GRAMD2B: variants seen among roughly 807,000 people sequenced by gnomAD.
The protein encoded by GRAMD2B is GRAM domain containing 2B, also known as GRAM domain-containing protein 2B.
In GRAMD2B, 41 loss-of-function variants were observed where a neutral mutation model predicts 59.2. The ratio of observed to expected loss-of-function variants is 0.69; its 90% CI spans 0.54 to 0.90. The LOEUF is 0.90. Ranked by LOEUF, GRAMD2B falls within the 40% of genes least tolerant of loss-of-function variation. GRAMD2B has a pLI of 0.00. For synonymous variants in GRAMD2B, 161 were observed against 182.7 expected (o/e 0.88, Z 0.96); for missense variants, 424 against 500.5 (o/e 0.85, Z 1.46).
At chr5:126,419,170 A>C (rs1418457581), upstream of GRAMD2B, among the ~76,000 whole-genome samples, 1 of 152,176 alleles carries the variant, frequency 6.6e-6, no homozygotes, top group African/African-American at 2.4e-5. Flanking sequence ...GAGATTGGGT[A>C]ATTTATAAAG....
rs1228784101 is a variant in GRAMD2B, at chr5:126,482,430, G to A, written c.736-1033G>A. Among the ~76,000 whole-genome samples, 3 of 152,186 alleles carry A rather than the reference G, an allele frequency of 2.0e-5. No individual in the cohort carries two copies. In the East Asian group the frequency reaches 5.8e-4, roughly 29 times the overall value. ...ACTTGATTTGGAATCCAAGAAACCT[G>A]GTTTTAAATCTGGGCTCCACCCAGC... is the stretch of plus-strand genomic sequence containing the variant. On this transcript the variant is annotated intron_variant, in intron 8 of 13. Coordinates refer to ENST00000285689, the MANE Select transcript of GRAMD2B (RefSeq NM_023927.4).
At position 126,472,284 on chromosome 5, in the gene GRAMD2B, C is replaced by A. The variant is rs202196656; in HGVS notation, c.362C>A (p.Thr121Lys). The change falls in exon 4 of 14, where the codon ACG becomes AAG. Residue 121 changes from threonine to lysine, a missense_variant. Physicochemically the swap from Thr to Lys is moderately conservative, Grantham distance 78. Transcript: ENST00000285689. ...HFHKLFLSVPTEEPLKQSFTC... is the reference protein window; with the variant it reads ...HFHKLFLSVPKEEPLKQSFTC... ...CACAAGTTGTTTCTTAGTGTCCCAA[C>A]GGAGGAACCACTGAAGCAAAGTAAG... is the stretch of plus-strand genomic sequence containing the variant. 6.2e-7 allele frequency: 1 copy of A among 1,613,690 alleles called. No individual in the cohort carries two copies. Among genetic ancestry groups the A allele is most frequent in the African/African-American group, 1.3e-5 (1 of 74,916 alleles).
At chr5:126,408,065 T>C (rs1319938259) in intron 1 of GRAMD2B, among the ~76,000 whole-genome samples, 1 of 151,970 alleles carries the variant, frequency 6.6e-6, no homozygotes, top group Non-Finnish European at 1.5e-5. Flanking sequence ...GTCCTGAGCA[T>C]AGTCCCCAGA....
intron 1 of GRAMD2B, among the ~76,000 whole-genome samples, chr5:126,394,980 G>T (rs1452356619): frequency 6.6e-6 from 1 of 151,830 alleles, no homozygotes; most frequent in Non-Finnish European, 1.5e-5. Flanking sequence ...TATAACTGTG[G>T]GTCTCCAAAG....
chr5:126,396,300 T>C (rs1019488125), intron 1 of GRAMD2B, among the ~76,000 whole-genome samples: 1 of 152,308 alleles, frequency 6.6e-6, no homozygotes, highest in Middle Eastern at 3.4e-3. Flanking sequence ...TACTCATTAG[T>C]TATTTTTCCT....
intron 1 of GRAMD2B, among the ~76,000 whole-genome samples, chr5:126,452,717 T>A (rs1001599146): frequency 2.0e-5 from 3 of 152,182 alleles, no homozygotes; most frequent in African/African-American, 4.8e-5. Context: ...CTCCTTTGTA[T>A]ACTAGTAGTA....
chr5:126,452,015 G>A (rs935925285), intron 1 of GRAMD2B, among the ~76,000 whole-genome samples: 3 of 152,002 alleles, frequency 2.0e-5, no homozygotes, highest in East Asian at 1.9e-4. Context: ...AGCAGATGCC[G>A]GCACTATGCT....
chr5:126,369,259 A>G (rs1246594139), upstream of GRAMD2B, among the ~76,000 whole-genome samples: 3 of 132,306 alleles, frequency 2.3e-5, no homozygotes, highest in African/African-American at 8.9e-5. Context: ...TAAATGCTCA[A>G]TAAATACTTG....
chr5:126,434,508 T>TA (rs1762078999), intron 1 of GRAMD2B, among the ~76,000 whole-genome samples: 1 of 151,308 alleles, frequency 6.6e-6, no homozygotes, highest in African/African-American at 2.5e-5. Context: ...AATTATCCTT[T>TA]TTTTTATTTT....
chr5:126,477,984 A>G (rs6595712), intron 6 of GRAMD2B, among the ~76,000 whole-genome samples, 197 bp downstream of exon 6: 146,317 of 152,240 alleles, frequency 0.96, 70,577 homozygotes, highest in East Asian at 1. Context: ...CCCTTCACAA[A>G]GTGATTTATT....
At position 126,485,686 on chromosome 5, in the gene GRAMD2B, G is replaced by A. The variant is rs1279246150; in HGVS notation, c.971G>A (p.Gly324Asp). The change falls in exon 11 of 14, where the codon GGT (glycine) becomes GAT (aspartate). Residue 324 changes from glycine (G) to aspartate (D), a missense_variant and splice_region_variant. Gly to Asp is a moderately conservative substitution (Grantham distance 94, BLOSUM62 -1). Coordinates refer to ENST00000285689, the MANE Select transcript of GRAMD2B (RefSeq NM_023927.4). ...EGKAKSLPVQ[G>D]LSETVGILHK... ...TTGTTTTTTGTTTTCCTCCCAACAG[G>A]TCTGTCAGAAACTGTTGGAATCTTA... 1.9e-6 allele frequency: 3 copies of A among 1,604,960 alleles called. No individual in the cohort carries two copies. In the South Asian group the frequency reaches 3.3e-5, roughly 18 times the overall value.
chr5:126,389,005 T>C (rs1241911865), intron 1 of GRAMD2B, among the ~76,000 whole-genome samples: 2 of 152,066 alleles, frequency 1.3e-5, no homozygotes, highest in Non-Finnish European at 2.9e-5. Flanking sequence ...CCTAAATCGA[T>C]AAAAATCTAA....
At chr5:126,436,940 G>C (rs1400019563) in intron 1 of GRAMD2B, among the ~76,000 whole-genome samples, 2 of 152,210 alleles carry the variant, frequency 1.3e-5, no homozygotes, top group Non-Finnish European at 2.9e-5. Flanking sequence ...ATGTGAAACA[G>C]CCAGGTGACT....
intron 13 of GRAMD2B, among the ~76,000 whole-genome samples, chr5:126,491,879 A>T (rs758084130): frequency 1.3e-5 from 2 of 152,114 alleles, no homozygotes; most frequent in Admixed American, 1.3e-4. Context: ...GATTACAGGC[A>T]TCTGCCACCA....
At chr5:126,395,762 C>CTGTG (rs143281468) in intron 1 of GRAMD2B, among the ~76,000 whole-genome samples, 1 of 151,456 alleles carries the variant, frequency 6.6e-6, no homozygotes, top group Non-Finnish European at 1.5e-5. Context: ...GAGGGAGTGT[C>CTGTG]TGTGTGTGTG....
chr5:126,483,327 C>A (rs1772236646), intron 8 of GRAMD2B, 136 bp from the exon 9 acceptor site: 1 of 436,854 alleles, frequency 2.3e-6, no homozygotes, highest in South Asian at 7.2e-5. Context: ...TGGGAAAATC[C>A]CAGTCGTATG....
intron 1 of GRAMD2B, among the ~76,000 whole-genome samples, chr5:126,429,899 G>A (rs895670864): frequency 2.6e-5 from 4 of 152,176 alleles, no homozygotes; most frequent in African/African-American, 9.7e-5. Context: ...CTGATTTGGT[G>A]TTATACATCT....
intron 1 of GRAMD2B, among the ~76,000 whole-genome samples, chr5:126,454,068 C>G (rs1306812458): frequency 6.6e-6 from 1 of 152,046 alleles, no homozygotes; most frequent in East Asian, 1.9e-4. Context: ...GAGGAGGGAG[C>G]AGAGAACTGA....
intron 2 of GRAMD2B, among the ~76,000 whole-genome samples, chr5:126,465,816 A>T (rs1020751956): frequency 1.3e-5 from 2 of 152,160 alleles, no homozygotes; most frequent in African/African-American, 4.8e-5. Context: ...GCATATGTTT[A>T]GAAAGCTGGG....
Sources: gnomAD v4.1 joint callset for allele counts (sites outside exome capture counted in the v4.1 genomes callset) on GRCh38, gnomAD v4.1.1 for gene constraint, MANE v1.5 for transcripts, NCBI Gene and HGNC (gene_info 2026-07-23, HGNC 2026-07-21) for gene names.